ANK3: variants seen among roughly 807,000 people sequenced by gnomAD.
ANK3 encodes the protein ankyrin-3.
ANK3 carries 57 observed loss-of-function variants against 370.9 expected under a neutral mutation model. The ratio of observed to expected loss-of-function variants is 0.15; its 90% CI spans 0.12 to 0.19. The LOEUF (loss-of-function observed/expected upper bound fraction) is 0.19, where lower values mean the gene tolerates loss of function less well. Among genes scored for constraint, ANK3 ranks in the 10% least tolerant of loss-of-function variants. The pLI is 1.00. For missense variants in ANK3, 4,439 were observed against 5,302.1 expected (o/e 0.84, Z 5.06); for synonymous variants, 1,929 against 1,946.3 (o/e 0.99, Z 0.23).
chr10:60,286,747 T>C (rs542464295), intron 1 of ANK3, among the ~76,000 whole-genome samples: 1 of 152,330 alleles, frequency 6.6e-6, no homozygotes, highest in African/African-American at 2.4e-5. Context: ...GAAACTAATC[T>C]TTGGTAAGTC....
chr10:60,240,300 A>ATT (rs1344546716), intron 7 of ANK3, among the ~76,000 whole-genome samples: 5 of 93,890 alleles, frequency 5.3e-5, no homozygotes, highest in African/African-American at 2.1e-4. Context: ...ATATATATAT[A>ATT]TATATATTTT....
At chr10:60,730,968 C>A (rs1015779060) in intron 1 of ANK3, among the ~76,000 whole-genome samples, 2 of 152,108 alleles carry the variant, frequency 1.3e-5, no homozygotes, top group African/African-American at 4.8e-5. Context: ...GGTAAAAATG[C>A]CATTTACCTA....
At chr10:60,084,855 A>G in intron 31 of ANK3, 25 bp from the exon 32 acceptor site, 1 of 1,486,328 alleles carries the variant, frequency 6.7e-7, no homozygotes, top group Non-Finnish European at 9.0e-7. Flanking sequence ...AAACAGAAGT[A>G]TGAAAATGTG....
intron 21 of ANK3, among the ~76,000 whole-genome samples, chr10:60,169,114 T>G (rs938475195): frequency 6.6e-6 from 1 of 152,176 alleles, no homozygotes; most frequent in Non-Finnish European, 1.5e-5. Context: ...CTTTGAGGAA[T>G]TGCCACACTG....
intron 17 of ANK3, 23 bp from the exon 18 acceptor site, chr10:60,181,450 A>C: frequency 1.2e-6 from 2 of 1,604,780 alleles, no homozygotes; most frequent in Non-Finnish European, 1.7e-6. Context: ...CAAAGGGCAC[A>C]GTCATCGTAC....
chr10:60,105,536 C>T (rs1245117182), intron 28 of ANK3, among the ~76,000 whole-genome samples: 1 of 152,122 alleles, frequency 6.6e-6, no homozygotes, highest in Non-Finnish European at 1.5e-5. Context: ...AGAAATAATT[C>T]CAAAAATAAA....
intron 1 of ANK3, among the ~76,000 whole-genome samples, chr10:60,349,293 C>T (rs2056387503): frequency 6.6e-6 from 1 of 152,170 alleles, no homozygotes; most frequent in African/African-American, 2.4e-5. Flanking sequence ...TCTACGTAGA[C>T]AGCTTGAATT....
intron 43 of ANK3, among the ~76,000 whole-genome samples, chr10:60,030,941 T>C (rs1300616550): frequency 2.0e-5 from 3 of 152,160 alleles, no homozygotes; most frequent in Admixed American, 2.0e-4. Context: ...TTGTAGCCCT[T>C]TGGGCCTTAG....
rs989821374 is a variant in ANK3, at chr10:60,675,206, A to G, written c.57+58057T>C. Among the ~76,000 whole-genome samples the G allele has an allele frequency of 2.0e-5, 3 of 152,366 alleles. No homozygotes were observed. The South Asian group carries it at 6.2e-4, about 32-fold the overall frequency. On this transcript the variant is annotated intron_variant, in intron 1 of 43. Coordinates refer to the ANK3 transcript ENST00000373827. ...TTTAAGTCAGCATTGACAGGCCACA[A>G]TAATTTCCTTTTAAAAGGAGTCAGT...
At chr10:60,701,999 C>T (rs2079551150) in intron 1 of ANK3, among the ~76,000 whole-genome samples, 1 of 152,066 alleles carries the variant, frequency 6.6e-6, no homozygotes, top group South Asian at 2.1e-4. Flanking sequence ...TGGCTCATGC[C>T]TATAATTCCA....
chr10:60,419,387 C>T (rs768353799), intron 2 of ANK3, among the ~76,000 whole-genome samples: 5 of 152,100 alleles, frequency 3.3e-5, no homozygotes, highest in Non-Finnish European at 7.4e-5. Context: ...AAGCCAAAGA[C>T]ATGGGCCCTG....
chr10:60,132,688 C>A (rs541631396), intron 25 of ANK3, among the ~76,000 whole-genome samples: 1 of 151,520 alleles, frequency 6.6e-6, no homozygotes, highest in East Asian at 1.9e-4. Context: ...GCAATCTTGG[C>A]TCACTGCAAA....
intron 23 of ANK3, among the ~76,000 whole-genome samples, chr10:60,151,971 A>G (rs2095140613): frequency 6.6e-6 from 1 of 152,200 alleles, no homozygotes; most frequent in Non-Finnish European, 1.5e-5. Flanking sequence ...AAATGTGTCT[A>G]GCTTAATGCC....
intron 7 of ANK3, among the ~76,000 whole-genome samples, chr10:60,244,519 T>G (rs551944116): frequency 1.3e-5 from 2 of 152,368 alleles, no homozygotes; most frequent in Admixed American, 1.3e-4. Context: ...GTCACAAAGT[T>G]ACTATTATGA....
chr10:60,687,532 A>AC (rs200378169), intron 1 of ANK3, among the ~76,000 whole-genome samples: 3,315 of 129,096 alleles, frequency 0.026, 84 homozygotes, highest in African/African-American at 0.08. Context: ...TGGTATAAAA[A>AC]AAAACACACA....
intron 2 of ANK3, among the ~76,000 whole-genome samples, chr10:60,443,591 C>T (rs567520116): frequency 3.4e-4 from 51 of 152,162 alleles, no homozygotes; most frequent in African/African-American, 1.1e-3. Flanking sequence ...GCTTTTTGCC[C>T]AATTTACTTC....
chr10:60,351,561 T>A (rs2056877982), intron 1 of ANK3, among the ~76,000 whole-genome samples: 1 of 152,194 alleles, frequency 6.6e-6, no homozygotes, highest in Non-Finnish European at 1.5e-5. Flanking sequence ...GACTACTCAT[T>A]TGCATTTTTT....
intron 1 of ANK3, among the ~76,000 whole-genome samples, chr10:60,326,992 C>T (rs1214736551): frequency 6.7e-6 from 1 of 150,274 alleles, no homozygotes; most frequent in Non-Finnish European, 1.5e-5. Context: ...TGCACTCCAG[C>T]CTGGGCGACC....
chr10:60,698,938 T>G (rs1471002394), intron 1 of ANK3, among the ~76,000 whole-genome samples: 2 of 149,662 alleles, frequency 1.3e-5, no homozygotes, highest in African/African-American at 4.9e-5. Context: ...AATAAATAAA[T>G]AAATAAAACA....
Sources: gnomAD v4.1 joint callset for allele counts (sites outside exome capture counted in the v4.1 genomes callset) on GRCh38, gnomAD v4.1.1 for gene constraint, MANE v1.5 for transcripts, NCBI Gene and HGNC (gene_info 2026-07-23, HGNC 2026-07-21) for gene names.